GRK7: variants seen among roughly 807,000 people sequenced by gnomAD.
The protein encoded by GRK7 is G protein-coupled receptor kinase 7.
A neutral mutation model predicts 34.1 loss-of-function variants in GRK7; 24 were observed. That is an observed-to-expected ratio of 0.70 (90% CI 0.51 to 0.99). GRK7 has a LOEUF of 0.99. Ranked by LOEUF, GRK7 falls within the 50% of genes least tolerant of loss-of-function variation. The pLI is 0.00. For synonymous variants in GRK7, 256 were observed against 279.4 expected (o/e 0.92, Z 0.84); for missense variants, 644 against 707.3 (o/e 0.91, Z 1.02).
the GRK7 span, among the ~76,000 whole-genome samples, chr3:141,755,601 A>T: frequency 6.6e-6 from 1 of 152,220 alleles, no homozygotes; most frequent in African/African-American, 2.4e-5. Flanking sequence ...ATTATGCCTC[A>T]TCAGAAAATC....
chr3:141,796,786 T>C lies in GRK7; in HGVS notation c.1051-10859T>C, dbSNP rs115250697. 6.8e-3 allele frequency among the ~76,000 whole-genome samples: 1,029 copies of C among 152,314 alleles called. 14 individuals are homozygous for C. Among genetic ancestry groups the C allele is most frequent in the African/African-American group, 0.024 (999 of 41,568 alleles). The stretch of plus-strand genomic sequence containing the variant: ...CGCTCAAGTGAAAGAACGGGAACTA[T>C]TGATCTCTGACCATGTGCCAGGCCC... On this transcript the variant is annotated intron_variant, in intron 4 of 5. Transcript: ENST00000682958.
rs1475290543 is a variant in GRK7 at position 141,817,243 on chromosome 3, A to T, written c.*193A>T. 4 of 499,846 alleles carry T rather than the reference A, an allele frequency of 8.0e-6. No individual in the cohort carries two copies. The highest frequency in any genetic ancestry group is 1.4e-5 in the Non-Finnish European group (4 of 286,320). 31.0% of individuals were successfully genotyped at this position (499,846 alleles called of 1,614,324 possible). A position where few individuals can be genotyped will look rare whatever the true frequency, so the allele number is the denominator to read the frequency against. On this transcript the variant is annotated 3_prime_UTR_variant, in exon 6 of 6. Coordinates refer to ENST00000682958, the MANE Select transcript of GRK7 (RefSeq NM_139209.3). The stretch of plus-strand genomic sequence containing the variant: ...TTTTTCTTTCTTCATAAAGATGAGT[A>T]AAGTCTCAGTTTTCACTGAGGGCAG...
rs185869215 is a variant in GRK7 at position 141,808,015 on chromosome 3, G to C, written c.1325+96G>C. On this transcript the variant is annotated intron_variant, in intron 5 of 5. Transcript: ENST00000682958. ...ATTTGTGGCAAAGTCTTGGAATTAA[G>C]TATTATGATTTTCTTATTTTTATTT... 119 of 1,127,152 alleles carry C rather than the reference G, an allele frequency of 1.1e-4. No individual in the cohort carries two copies. The Admixed American group carries it at 2.4e-3, about 22-fold the overall frequency. The allele number at this position is 1,127,152 out of a possible 1,614,324, so 69.8% of individuals were successfully genotyped here.
intron 4 of GRK7, among the ~76,000 whole-genome samples, chr3:141,804,598 C>T (rs1212712528): frequency 6.6e-6 from 1 of 151,242 alleles, no homozygotes. Context: ...CATACAGGCA[C>T]TCACACACGC....
At chr3:141,812,224 A>G (rs1251746767) in intron 5 of GRK7, among the ~76,000 whole-genome samples, 3 of 152,194 alleles carry the variant, frequency 2.0e-5, no homozygotes, top group Non-Finnish European at 4.4e-5. Flanking sequence ...ATGCTCTGAA[A>G]TATATTCCAC....
At position 141,806,582 on chromosome 3, in the gene GRK7, T is replaced by TAC. The variant is rs1052025005; in HGVS notation, c.1051-1053_1051-1052dup. 3.3e-5 allele frequency among the ~76,000 whole-genome samples: 5 copies of TAC among 151,674 alleles called. No individual in the cohort carries two copies. In the South Asian group the frequency reaches 6.2e-4, roughly 19 times the overall value. On this transcript the variant is annotated intron_variant, in intron 4 of 5. Coordinates refer to ENST00000682958, the MANE Select transcript of GRK7 (RefSeq NM_139209.3). ...CATCTCAAAAATATATATATATATA[T>TAC]ACACACACACATATATATTTGAGTA... is the stretch of plus-strand genomic sequence containing the variant.
chr3:141,780,562 C>A lies in GRK7; in HGVS notation c.801C>A (p.Val267=), dbSNP rs139566838. 1.4e-5 allele frequency: 22 copies of A among 1,614,244 alleles called. No individual in the cohort carries two copies. In the African/African-American group the frequency reaches 2.4e-4, roughly 18 times the overall value. The change falls in exon 4 of 6, where the codon GTC becomes GTA. Residue 267 remains valine, a synonymous_variant. Coordinates refer to ENST00000682958, the MANE Select transcript of GRK7 (RefSeq NM_139209.3). ...AFESKTHLCL[V]MSLMNGGDLK... ...AGAGCAAGACCCATCTCTGCCTTGTCATGAGCCTGATGAATGGGGGAGACC... is the reference window on the plus strand; with the variant it reads ...AGAGCAAGACCCATCTCTGCCTTGTAATGAGCCTGATGAATGGGGGAGACC...
At chr3:141,751,070 C>G in the GRK7 span, among the ~76,000 whole-genome samples, 8 of 152,272 alleles carry the variant, frequency 5.3e-5, no homozygotes, top group Non-Finnish European at 7.4e-5. Flanking sequence ...AAAGAAAAAA[C>G]TGCCCAGATG....
chr3:141,792,129 G>C (rs564260355), intron 4 of GRK7, among the ~76,000 whole-genome samples: 1 of 151,510 alleles, frequency 6.6e-6, no homozygotes, highest in Non-Finnish European at 1.5e-5. Flanking sequence ...CAGACTGGGC[G>C]TGGTGGCTCA....
chr3:141,770,747 AAAC>A (rs1401835172), intron 1 of GRK7, among the ~76,000 whole-genome samples: 1 of 152,166 alleles, frequency 6.6e-6, no homozygotes, highest in African/African-American at 2.4e-5. Flanking sequence ...AAAAGTCAAA[AAAC>A]AACAAACGTT....
chr3:141,812,860 A>G (rs1711107022), intron 5 of GRK7, among the ~76,000 whole-genome samples: 1 of 152,064 alleles, frequency 6.6e-6, no homozygotes, highest in Non-Finnish European at 1.5e-5. Flanking sequence ...GGCCCTTTTG[A>G]CACCTGACAC....
At chr3:141,768,727 CTCAATCCTCTCCAG>C (rs1290992482) in intron 1 of GRK7, among the ~76,000 whole-genome samples, 1 of 152,148 alleles carries the variant, frequency 6.6e-6, no homozygotes, top group African/African-American at 2.4e-5. Context: ...TCCTTCCCTC[CTCAATCCTCTCCAG>C]TCAGGCTGAG....
Position 141,785,346 on chromosome 3 carries a change from G to A in GRK7, c.1050+4535G>A, listed in dbSNP as rs1234964346. 1.3e-5 allele frequency among the ~76,000 whole-genome samples: 2 copies of A among 152,222 alleles called. 1 individual carries two copies. The highest frequency in any genetic ancestry group is 4.1e-4 in the South Asian group (2 of 4,824). ...GGCTGTTCAGCAATTTCACGGACAA[G>A]ACCTCTGTTAAAAATCTCCTGGCTT... On this transcript the variant is annotated intron_variant, in intron 4 of 5. Transcript: ENST00000682958.
intron 4 of GRK7, among the ~76,000 whole-genome samples, chr3:141,788,162 G>T (rs138199072): frequency 6.6e-6 from 1 of 152,178 alleles, no homozygotes; most frequent in Non-Finnish European, 1.5e-5. Context: ...GCCTCCCTGG[G>T]GGGGCACAGG....
At chr3:141,789,783 T>C (rs1577918678) in intron 4 of GRK7, among the ~76,000 whole-genome samples, 1 of 152,082 alleles carries the variant, frequency 6.6e-6, no homozygotes, top group Middle Eastern at 3.2e-3. Flanking sequence ...TCCAAGTAGG[T>C]AACTCTTTTC....
chr3:141,796,262 TG>T (rs1710870954), intron 4 of GRK7, among the ~76,000 whole-genome samples: 1 of 152,194 alleles, frequency 6.6e-6, no homozygotes, highest in Non-Finnish European at 1.5e-5. Context: ...AATGTACTCA[TG>T]GGTTGGCCAC....
At chr3:141,781,394 A>G (rs1324833740) in intron 4 of GRK7, among the ~76,000 whole-genome samples, 1 of 152,000 alleles carries the variant, frequency 6.6e-6, no homozygotes, top group Non-Finnish European at 1.5e-5. Flanking sequence ...AAAATTAGCC[A>G]GGCATGGTGA....
intron 4 of GRK7, among the ~76,000 whole-genome samples, chr3:141,791,704 G>C (rs1327015981): frequency 6.6e-6 from 1 of 152,076 alleles, no homozygotes; most frequent in Non-Finnish European, 1.5e-5. Flanking sequence ...TGCCAGGACT[G>C]TTCTAAATAT....
chr3:141,778,221 G>A lies in GRK7; in HGVS notation c.-64G>A, dbSNP rs189817337. The A allele has an allele frequency of 3.7e-4, 556 of 1,513,286 alleles. 1 individual carries two copies. In the African/African-American group the frequency reaches 6.8e-3, roughly 19 times the overall value. The allele number at this position is 1,513,286 out of a possible 1,614,324, so 93.7% of individuals were successfully genotyped here. ...TTGGACGTTGTCTCACCCGGGAAGG[G>A]AAAGCAGCCAGCAGCCCTCCAGCCC... is the stretch of plus-strand genomic sequence containing the variant. On this transcript the variant is annotated 5_prime_UTR_variant, in exon 3 of 6. Transcript: ENST00000682958. This position sits in a 1 kb window ranked among gnomAD's most constrained non-coding sequence, Gnocchi z 4.1.
Sources: allele counts gnomAD v4.1 joint callset (sites outside exome capture counted in the v4.1 genomes callset), GRCh38; gene constraint gnomAD v4.1.1; non-coding constraint Gnocchi (gnomAD v3.1); transcripts MANE v1.5; gene names NCBI Gene and HGNC (gene_info 2026-07-23, HGNC 2026-07-21).